RETREG1: variants seen among roughly 807,000 people sequenced by gnomAD.
RETREG1 encodes reticulophagy regulator 1.
In RETREG1, 44 loss-of-function variants were observed where a neutral mutation model predicts 54.8. The ratio of observed to expected loss-of-function variants is 0.80; its 90% CI spans 0.63 to 1.03. The LOEUF (loss-of-function observed/expected upper bound fraction) is 1.03, where lower values mean the gene tolerates loss of function less well. Ranked by LOEUF, RETREG1 falls within the 50% of genes least tolerant of loss-of-function variation. RETREG1 has a pLI of 0.00. For synonymous variants in RETREG1, 217 were observed against 238.5 expected, an observed-to-expected ratio of 0.91 and a Z score of 0.83; for missense variants, 554 against 605.1, an observed-to-expected ratio of 0.92 and a Z score of 0.89.
intron 1 of RETREG1, among the ~76,000 whole-genome samples, chr5:16,612,639 C>T (rs1235193789): frequency 6.6e-6 from 1 of 152,090 alleles, no homozygotes; most frequent in African/African-American, 2.4e-5. Flanking sequence ...GGACTGTTAC[C>T]CAATCTACTT....
intron 3 of RETREG1, among the ~76,000 whole-genome samples, chr5:16,531,351 T>G (rs958348094): frequency 1.3e-5 from 2 of 152,208 alleles, no homozygotes; most frequent in African/African-American, 4.8e-5. Context: ...TCATAGATGC[T>G]TATTAATGAC....
chr5:16,491,122 A>G (rs571896823), intron 3 of RETREG1, among the ~76,000 whole-genome samples: 10 of 152,144 alleles, frequency 6.6e-5, no homozygotes, highest in African/African-American at 2.4e-4. Context: ...TATGTTAAGC[A>G]CTCTGCCCGC....
chr5:16,544,403 A>G (rs1741334197), intron 3 of RETREG1, among the ~76,000 whole-genome samples: 1 of 152,214 alleles, frequency 6.6e-6, no homozygotes, highest in Non-Finnish European at 1.5e-5. Context: ...TCAGTTAAAC[A>G]TCAAAGGTTT....
chr5:16,516,414 ATGT>A (rs1740357101), intron 3 of RETREG1, among the ~76,000 whole-genome samples: 1 of 152,218 alleles, frequency 6.6e-6, no homozygotes. Flanking sequence ...CTTTCTAAAA[ATGT>A]TGTCTGTAGA....
chr5:16,581,564 CAAA>C (rs1404894802), intron 1 of RETREG1, among the ~76,000 whole-genome samples: 56 of 136,692 alleles, frequency 4.1e-4, no homozygotes, highest in African/African-American at 1.4e-3. Flanking sequence ...CACACACACA[CAAA>C]ACACACACAC....
chr5:16,543,021 C>T (rs1003043043), intron 3 of RETREG1, among the ~76,000 whole-genome samples: 2 of 152,196 alleles, frequency 1.3e-5, no homozygotes, highest in Non-Finnish European at 2.9e-5. Context: ...AAGACAAGAA[C>T]GGGTCTGCTT....
chr5:16,474,846 C>G lies in RETREG1; in HGVS notation c.1389G>C (p.Leu463=). The part of the protein sequence containing the change: ...DDFELLDQSE[L]DQIESELGLT... ...GTCCCAATTCACTCTCAATTTGATC[C>G]AGCTCTGACTGGTCAAGTAGTTCAA... is the stretch of plus-strand genomic sequence containing the variant. Residue 463 remains leucine (L), a synonymous_variant, in exon 9 of 9, where the codon CTG becomes CTC. Coordinates refer to ENST00000306320, the MANE Select transcript of RETREG1 (RefSeq NM_001034850.3). 6.2e-7 allele frequency: 1 copy of G among 1,613,912 alleles called. No individual in the cohort carries two copies. The highest frequency in any genetic ancestry group is 8.5e-7 in the Non-Finnish European group (1 of 1,179,940).
chr5:16,502,090 G>C (rs1233849966), intron 3 of RETREG1, among the ~76,000 whole-genome samples: 1 of 151,734 alleles, frequency 6.6e-6, no homozygotes, highest in East Asian at 1.9e-4. Context: ...CCAAGTAGCT[G>C]GGACTACAGG....
At chr5:16,527,278 G>A (rs1450776006) in intron 3 of RETREG1, among the ~76,000 whole-genome samples, 1 of 152,244 alleles carries the variant, frequency 6.6e-6, no homozygotes, top group African/African-American at 2.4e-5. Flanking sequence ...CCAGGGTGGA[G>A]CTCTAAACCA....
intron 1 of RETREG1, among the ~76,000 whole-genome samples, chr5:16,576,775 C>A (rs1055643822): frequency 2.0e-5 from 3 of 152,142 alleles, no homozygotes; most frequent in Non-Finnish European, 4.4e-5. Context: ...AGCCACCGCG[C>A]CCGGCCAATG....
intron 3 of RETREG1, among the ~76,000 whole-genome samples, chr5:16,521,048 G>T (rs1295232184): frequency 6.6e-6 from 1 of 152,220 alleles, no homozygotes; most frequent in Non-Finnish European, 1.5e-5. Context: ...TGTGTTTACT[G>T]AGTCTCCTTT....
chr5:16,600,825 T>G (rs1743031511), intron 1 of RETREG1, among the ~76,000 whole-genome samples: 1 of 152,114 alleles, frequency 6.6e-6, no homozygotes, highest in Admixed American at 6.6e-5. Flanking sequence ...ATAAACTATC[T>G]TCTCCTTTTT....
At chr5:16,562,037 G>A (rs566303635) in intron 3 of RETREG1, among the ~76,000 whole-genome samples, 28 of 152,116 alleles carry the variant, frequency 1.8e-4, no homozygotes, top group Admixed American at 7.9e-4. Context: ...AGACACTGCC[G>A]GGCACAGTGG....
rs906037649 is a variant in RETREG1, at chr5:16,593,907, G to A, written c.321-21805C>T. Among the ~76,000 whole-genome samples, 7 of 152,312 alleles carry A rather than the reference G, an allele frequency of 4.6e-5. No individual in the cohort carries two copies. The highest frequency in any genetic ancestry group is 3.4e-3 in the Middle Eastern group (1 of 294). ...TTACTGTGAAAGCCACACCAAATCC[G>A]AATACAACGAATGTCTGGCCTTCTT... On this transcript the variant is annotated intron_variant, in intron 1 of 8. Coordinates refer to ENST00000306320, the MANE Select transcript of RETREG1 (RefSeq NM_001034850.3). This position sits in a 1 kb window ranked among gnomAD's most constrained non-coding sequence, Gnocchi z 4.9.
chr5:16,562,227 A>G (rs934687387), intron 3 of RETREG1, among the ~76,000 whole-genome samples: 1 of 152,236 alleles, frequency 6.6e-6, no homozygotes, highest in African/African-American at 2.4e-5. Flanking sequence ...AGGCAGGAGA[A>G]TGGCTTGAAC....
rs1742840734 is a variant in RETREG1, at chr5:16,594,060, A to G, written c.321-21958T>C. Among the ~76,000 whole-genome samples the G allele has an allele frequency of 6.6e-6, 1 of 152,258 alleles. No homozygotes were observed. Among genetic ancestry groups the G allele is most frequent in the African/African-American group, 2.4e-5 (1 of 41,476 alleles). On this transcript the variant is annotated intron_variant, in intron 1 of 8. Coordinates refer to ENST00000306320, the MANE Select transcript of RETREG1 (RefSeq NM_001034850.3). This position sits in a 1 kb window ranked among gnomAD's most constrained non-coding sequence, Gnocchi z 4.4. ...ATGTCACAGGCCCACAGCAAAATGT[A>G]TTAGATCACAGTCTCACAATCTTAA... is the stretch of plus-strand genomic sequence containing the variant.
At chr5:16,519,767 T>C (rs1038448725) in intron 3 of RETREG1, among the ~76,000 whole-genome samples, 3 of 152,316 alleles carry the variant, frequency 2.0e-5, no homozygotes, top group African/African-American at 2.4e-5. Flanking sequence ...CTGGTATAAC[T>C]ATTAACAGGC....
At position 16,571,756 on chromosome 5, in the gene RETREG1, G is replaced by A. The variant is rs377100570; in HGVS notation, c.427+240C>T. Among the ~76,000 whole-genome samples, 13 of 152,092 alleles carry A rather than the reference G, an allele frequency of 8.5e-5. No homozygotes were observed. In the East Asian group the frequency reaches 1.2e-3, roughly 14 times the overall value. On this transcript the variant is annotated intron_variant, in intron 2 of 8. Transcript: ENST00000306320. The stretch of plus-strand genomic sequence containing the variant: ...CACTGCAGCCTACTTAAATACCAAC[G>A]TGGTATTTAAAATAGCTCTTAAGAC...
chr5:16,606,488 C>T (rs776447520), intron 1 of RETREG1, among the ~76,000 whole-genome samples: 3 of 152,136 alleles, frequency 2.0e-5, no homozygotes, highest in South Asian at 2.1e-4. Flanking sequence ...TGTAGTGACA[C>T]GTGGATAATT....
Sources: gnomAD v4.1 joint callset for allele counts (sites outside exome capture counted in the v4.1 genomes callset) on GRCh38, gnomAD v4.1.1 for gene constraint, Gnocchi (gnomAD v3.1) non-coding constraint, MANE v1.5 for transcripts, NCBI Gene and HGNC (gene_info 2026-07-23, HGNC 2026-07-21) for gene names.